NOP53: variants seen among roughly 807,000 people sequenced by gnomAD.
The protein encoded by NOP53 is NOP53 ribosome biogenesis factor.
Under a neutral mutation model 61.0 loss-of-function variants are expected in NOP53, and 40 were observed. The observed-to-expected ratio is 0.66, with a 90% CI of 0.51 to 0.85. NOP53 has a LOEUF of 0.85. NOP53 is among the 40% of genes least tolerant of loss of function. The pLI, the probability that NOP53 is intolerant of heterozygous loss-of-function variation, is 0.00. For missense variants in NOP53, 689 were observed against 652.9 expected (o/e 1.06, Z -0.60); for synonymous variants, 308 against 289.5 (o/e 1.06, Z -0.65).
At position 47,756,552 on chromosome 19, in the gene NOP53, C is replaced by A. The variant is rs777866172; in HGVS notation, c.1321C>A (p.Arg441=). Residue 441 remains arginine (R), a synonymous_variant, in exon 11 of 13, where the codon CGG becomes AGG. Transcript: ENST00000246802. ...LKPEGNILRD[R]FKSFQRRNMI... ...GCCCGAGGGCAACATCCTTCGAGACCGGTTCAAGAGCTTCCAGAGGAGGAA... is the reference window on the plus strand; with the variant it reads ...GCCCGAGGGCAACATCCTTCGAGACAGGTTCAAGAGCTTCCAGAGGAGGAA... 6.2e-7 allele frequency: 1 copy of A among 1,613,980 alleles called. No homozygotes were observed. The highest frequency in any genetic ancestry group is 8.5e-7 in the Non-Finnish European group (1 of 1,179,950).
intron 2 of NOP53, among the ~76,000 whole-genome samples, 172 bp downstream of exon 2, chr19:47,747,203 G>A (rs1466038754): frequency 1.3e-5 from 2 of 152,128 alleles, no homozygotes; most frequent in African/African-American, 2.4e-5. Context: ...AGCTGGAGAC[G>A]AACTTAGAGA....
chr19:47,755,267 G>A lies in NOP53; in HGVS notation c.1054-81G>A, dbSNP rs569829710. ...CTCCGGGGACAGGCAGGTTTGTGCA[G>A]GGAAGGCTCCCTGTGTAGAGAGAAG... On this transcript the variant is annotated intron_variant, in intron 8 of 12. Transcript: ENST00000246802. 7 of 991,362 alleles carry A rather than the reference G, an allele frequency of 7.1e-6. No homozygotes were observed. In the South Asian group the frequency reaches 1.3e-4, roughly 18 times the overall value. The allele number at this position is 991,362 out of a possible 1,614,324, so 61.4% of individuals were successfully genotyped here.
chr19:47,749,726 C>T lies in NOP53; in HGVS notation c.290-452C>T, dbSNP rs533211517. Reference sequence around the variant, plus strand: ...TGTGGCCCTCCCTGGGCTTCAGTGTCAACTGATGACTTGCTTTCTTCCTTT... The same window carrying T: ...TGTGGCCCTCCCTGGGCTTCAGTGTTAACTGATGACTTGCTTTCTTCCTTT... On this transcript the variant is annotated intron_variant, in intron 2 of 12. Coordinates refer to ENST00000246802, the MANE Select transcript of NOP53 (RefSeq NM_015710.5). Among the ~76,000 whole-genome samples the T allele has an allele frequency of 3.3e-5, 5 of 151,986 alleles. No individual in the cohort carries two copies. The South Asian group carries it at 1.0e-3, about 32-fold the overall frequency.
chr19:47,747,136 C>A, intron 2 of NOP53, 105 bp downstream of exon 2: 2 of 883,502 alleles, frequency 2.3e-6, no homozygotes, highest in Non-Finnish European at 1.8e-6. Flanking sequence ...AGGCAAATAT[C>A]TGCGGAAACA....
chr19:47,752,619 C>A lies in NOP53; in HGVS notation c.765+12C>A, dbSNP rs146899965. The A allele has an allele frequency of 2.0e-6, 3 of 1,508,026 alleles. No homozygotes were observed. Among genetic ancestry groups the A allele is most frequent in the South Asian group, 2.2e-5 (2 of 89,058 alleles). 93.4% of individuals were successfully genotyped at this position (1,508,026 alleles called of 1,614,324 possible). On this transcript the variant is annotated intron_variant, in intron 6 of 12. Transcript: ENST00000246802. Reference sequence around the variant, plus strand: ...TTGAAGACCACCAGGTACACTGCCCCGTCCAGGCCTCCCTCCTCAGTGGGC... The same window carrying A: ...TTGAAGACCACCAGGTACACTGCCCAGTCCAGGCCTCCCTCCTCAGTGGGC...
rs1320907203 is a variant in NOP53 at position 47,756,685 on chromosome 19, C to T, written c.1374-3C>T. ...ACTGATTGCTCCATTGTCCCTGCTC[C>T]AGGTTCAAACGCAAGTACAAGGTGA... On this transcript the variant is annotated splice_region_variant and splice_polypyrimidine_tract_variant and intron_variant, in intron 11 of 12. Transcript: ENST00000246802. 7 of 1,613,814 alleles carry T rather than the reference C, an allele frequency of 4.3e-6. No homozygotes were observed. In the African/African-American group the frequency reaches 9.3e-5, roughly 22 times the overall value.
rs535571862 is a variant in NOP53 at position 47,747,649 on chromosome 19, C to T, written c.289+618C>T. Among the ~76,000 whole-genome samples the T allele has an allele frequency of 4.5e-4, 68 of 150,440 alleles. 1 individual carries two copies. The highest frequency in any genetic ancestry group is 1.2e-3 in the African/African-American group (51 of 41,104). On this transcript the variant is annotated intron_variant, in intron 2 of 12. Transcript: ENST00000246802. ...CTATTATTTTTTTGAGACAGTGTTG[C>T]GCTGTCATCCAGGCTGGAGTACAGT...
chr19:47,753,219 A>C (rs2123676310), intron 6 of NOP53: 1 of 152,622 alleles, frequency 6.6e-6, no homozygotes, highest in East Asian at 1.9e-4. Context: ...TGAGGCGGGC[A>C]GATCATTGGA....
chr19:47,752,204 G>C (rs1056110266), intron 5 of NOP53, among the ~76,000 whole-genome samples: 1 of 152,202 alleles, frequency 6.6e-6, no homozygotes, highest in Non-Finnish European at 1.5e-5. Context: ...GGTGGAGCCC[G>C]TGCTGGCAAG....
Position 47,750,168 on chromosome 19 carries a change from C to G in NOP53, c.290-10C>G. Reference sequence around the variant, plus strand: ...CTGAGGCCTTGACTTGTTCTCTTTCCCATTCTTAGGGCTGACAAAGAAGAG... The same window carrying G: ...CTGAGGCCTTGACTTGTTCTCTTTCGCATTCTTAGGGCTGACAAAGAAGAG... On this transcript the variant is annotated splice_polypyrimidine_tract_variant and intron_variant, in intron 2 of 12. Transcript: ENST00000246802. 1 of 1,572,576 alleles carries G rather than the reference C, an allele frequency of 6.4e-7. No individual in the cohort carries two copies. The highest frequency in any genetic ancestry group is 1.7e-4 in the Middle Eastern group (1 of 5,984).
intron 6 of NOP53, 105 bp downstream of exon 6, chr19:47,752,712 C>G (rs963695055): frequency 5.4e-6 from 4 of 736,822 alleles, no homozygotes; most frequent in African/African-American, 3.4e-5. Flanking sequence ...CCAGACAGCC[C>G]TGGGCCTGTC....
Position 47,755,447 on chromosome 19 carries a change from C to G in NOP53, c.1153C>G (p.Leu385Val). ...CCAGGTGGCCCTGAGGCTGGCGGAG[C>G]TGGCGCGGCGGCAGAGGCGGCGGCA... ...KAQVALRLAE[L>V]ARRQRRRQAR... The change falls in exon 9 of 13, where the codon CTG (leucine) becomes GTG (valine). Residue 385 changes from leucine (L) to valine (V), a missense_variant. Transcript: ENST00000246802. 1.3e-6 allele frequency: 2 copies of G among 1,519,902 alleles called. No homozygotes were observed. The highest frequency in any genetic ancestry group is 1.8e-6 in the Non-Finnish European group (2 of 1,137,546). 94.2% of individuals were successfully genotyped at this position (1,519,902 alleles called of 1,614,324 possible).
At chr19:47,751,228 TC>T in intron 4 of NOP53, 121 bp downstream of exon 4, 2 of 956,882 alleles carry the variant, frequency 2.1e-6, no homozygotes, top group Non-Finnish European at 3.2e-6. Context: ...TTTGGTGACC[TC>T]CCAGCAGAGT....
intron 1 of NOP53, chr19:47,746,200 G>C (rs1599911691): frequency 6.4e-6 from 1 of 156,206 alleles, no homozygotes; most frequent in African/African-American, 2.4e-5. Context: ...ATATATATAT[G>C]TTTTTCAGAC....
chr19:47,755,617 C>T (rs1017093345), intron 9 of NOP53, 94 bp downstream of exon 9: 8 of 1,350,108 alleles, frequency 5.9e-6, no homozygotes, highest in South Asian at 4.2e-5. Context: ...AACTGCCCAC[C>T]CCCCCCATCG....
chr19:47,752,735 C>T, intron 6 of NOP53, 128 bp downstream of exon 6: 2 of 652,046 alleles, frequency 3.1e-6, no homozygotes, highest in Non-Finnish European at 5.6e-6. Flanking sequence ...CAACGGGGCT[C>T]ACGGTCCAGT....
At chr19:47,755,297 C>G (rs1480335394) in intron 8 of NOP53, 51 bp from the exon 9 acceptor site, 1 of 1,278,140 alleles carries the variant, frequency 7.8e-7, no homozygotes, top group Admixed American at 3.2e-5. Flanking sequence ...GAGAAGGTCT[C>G]CCTGTGTGGG....
In NOP53 at chr19:47,750,357, G is replaced by A. The variant is rs889536946; in HGVS notation, c.398+71G>A. 11 of 932,396 alleles carry A rather than the reference G, an allele frequency of 1.2e-5. No homozygotes were observed. In the African/African-American group the frequency reaches 1.3e-4, roughly 11 times the overall value. The allele number at this position is 932,396 out of a possible 1,614,324, so 57.8% of individuals were successfully genotyped here. On this transcript the variant is annotated intron_variant, in intron 3 of 12. Coordinates refer to ENST00000246802, the MANE Select transcript of NOP53 (RefSeq NM_015710.5). ...GGTCCTAAAGGGTTTCCGGGGCTGG[G>A]GGCTGGTAGGTGAGGGTCATTTGAA...
At position 47,754,711 on chromosome 19, in the gene NOP53, G is replaced by T; in HGVS notation, c.873G>T (p.Glu291Asp). 1 of 1,534,362 alleles carries T rather than the reference G, an allele frequency of 6.5e-7. No homozygotes were observed. The highest frequency in any genetic ancestry group is 8.8e-7 in the Non-Finnish European group (1 of 1,136,388). The change falls in exon 8 of 13, where the codon GAG (glutamate) becomes GAT (aspartate). Residue 291 changes from glutamate (E) to aspartate (D), a missense_variant and splice_region_variant. Physicochemically the swap from Glu to Asp is conservative, Grantham distance 45. Coordinates refer to ENST00000246802, the MANE Select transcript of NOP53 (RefSeq NM_015710.5). The surrounding 1 kb of genome is among the most constrained non-coding windows in gnomAD (Gnocchi z 4.2). ...LPATEQAATQESTFQELCEGL... is the reference protein window; with the variant it reads ...LPATEQAATQDSTFQELCEGL... ...GACACTGCACCCCGCCTCCCCAGGA[G>T]TCCACATTCCAGGAGCTGTGCGAGG... is the stretch of plus-strand genomic sequence containing the variant.
Sources: allele counts gnomAD v4.1 joint callset (sites outside exome capture counted in the v4.1 genomes callset), GRCh38; gene constraint gnomAD v4.1.1; non-coding constraint Gnocchi (gnomAD v3.1); transcripts MANE v1.5; gene names NCBI Gene and HGNC (gene_info 2026-07-23, HGNC 2026-07-21).